The following AGBL4 variants were observed in gnomAD, a reference collection of about 807,000 sequenced individuals.
AGBL4 encodes the protein AGBL carboxypeptidase 4, also known as cytosolic carboxypeptidase 6.
AGBL4 carries 58 observed loss-of-function variants against 66.4 expected under a neutral mutation model. The observed-to-expected ratio is 0.87, with a 90% CI of 0.71 to 1.09. AGBL4 has a LOEUF of 1.09. Among genes scored for constraint, AGBL4 ranks in the 50% least tolerant of loss-of-function variants. AGBL4 has a pLI of 0.00. For missense variants in AGBL4, 579 were observed against 631.0 expected, an observed-to-expected ratio of 0.92 and a Z score of 0.88; for synonymous variants, 234 against 222.9, an observed-to-expected ratio of 1.05 and a Z score of -0.44.
intron 4 of AGBL4, among the ~76,000 whole-genome samples, chr1:49,123,237 T>G (rs988690395): frequency 3.3e-5 from 5 of 152,218 alleles, no homozygotes; most frequent in Non-Finnish European, 5.9e-5. Context: ...TTGAGGCTAT[T>G]ATTACCTCTA....
At position 48,642,379 on chromosome 1, in the gene AGBL4, T is replaced by C. The variant is rs144436677; in HGVS notation, c.840-7775A>G. The stretch of plus-strand genomic sequence containing the variant: ...TCTTCCTAGTGGGTAATGAGAGGCT[T>C]TAGAGTGCCTTCTCCCTTCCCGTAC... On this transcript the variant is annotated intron_variant, in intron 8 of 13. Transcript: ENST00000371839. Among the ~76,000 whole-genome samples the C allele has an allele frequency of 9.2e-3, 1,396 of 152,236 alleles. 63 individuals are homozygous for C. The highest frequency in any genetic ancestry group is 0.07 in the Admixed American group (1,071 of 15,278).
intron 5 of AGBL4, among the ~76,000 whole-genome samples, chr1:48,980,758 T>G (rs1193696831): frequency 4.4e-5 from 2 of 45,898 alleles, no homozygotes; most frequent in South Asian, 6.1e-4. Flanking sequence ...TATATATATA[T>G]ATATATATAT....
intron 5 of AGBL4, among the ~76,000 whole-genome samples, chr1:49,037,406 C>T (rs547616687): frequency 3.9e-5 from 6 of 152,074 alleles, no homozygotes; most frequent in Non-Finnish European, 7.4e-5. Flanking sequence ...TTAAGGGTCA[C>T]AATGATCATA....
At chr1:48,898,765 G>C (rs1651788644) in intron 5 of AGBL4, among the ~76,000 whole-genome samples, 1 of 152,096 alleles carries the variant, frequency 6.6e-6, no homozygotes, top group African/African-American at 2.4e-5. Flanking sequence ...GGTTGCTTTG[G>C]CTATTTGGGG....
At chr1:48,782,875 A>G (rs1187110548) in intron 6 of AGBL4, among the ~76,000 whole-genome samples, 2 of 152,336 alleles carry the variant, frequency 1.3e-5, no homozygotes, top group African/African-American at 4.8e-5. Flanking sequence ...ATGGTATCAT[A>G]CAGACTAACT....
intron 8 of AGBL4, among the ~76,000 whole-genome samples, chr1:48,639,571 A>C (rs1645722252): frequency 6.6e-6 from 1 of 152,228 alleles, no homozygotes. Context: ...ATATATTTCC[A>C]ATTAAGTTAA....
rs1427405439 is a variant in AGBL4, at chr1:49,717,765, C to T, written c.158-20328G>A. Among the ~76,000 whole-genome samples the T allele has an allele frequency of 2.6e-5, 4 of 152,106 alleles. No individual in the cohort carries two copies. The East Asian group carries it at 7.7e-4, about 29-fold the overall frequency. On this transcript the variant is annotated intron_variant, in intron 2 of 13. Coordinates refer to ENST00000371839, the MANE Select transcript of AGBL4 (RefSeq NM_032785.4). ...GCACCTGTAGTAGTGTCTGGCCTAACTAGATATTCAATAAATCTCTGTTGA... is the reference window on the plus strand; with the variant it reads ...GCACCTGTAGTAGTGTCTGGCCTAATTAGATATTCAATAAATCTCTGTTGA...
chr1:48,923,237 G>A (rs1654244938), intron 5 of AGBL4, among the ~76,000 whole-genome samples: 1 of 152,122 alleles, frequency 6.6e-6, no homozygotes, highest in Admixed American at 6.6e-5. Flanking sequence ...AGACTTTCCA[G>A]CCCATAGGTG....
chr1:48,954,439 T>C (rs1380883693), intron 5 of AGBL4, among the ~76,000 whole-genome samples: 1 of 152,244 alleles, frequency 6.6e-6, no homozygotes, highest in Non-Finnish European at 1.5e-5. Context: ...GTCTTTATTA[T>C]GTCAGGCACT....
intron 1 of AGBL4, among the ~76,000 whole-genome samples, chr1:49,989,370 A>T (rs1316196071): frequency 6.6e-6 from 1 of 152,208 alleles, no homozygotes; most frequent in African/African-American, 2.4e-5. Flanking sequence ...CCAATGAGGT[A>T]GGGTCTAGAT....
chr1:49,406,434 A>T (rs1386731793), intron 3 of AGBL4, among the ~76,000 whole-genome samples: 1 of 152,200 alleles, frequency 6.6e-6, no homozygotes, highest in Non-Finnish European at 1.5e-5. Flanking sequence ...GGAGACTTTT[A>T]TTCATGAAGA....
chr1:48,756,596 TGGGAAGTA>T (rs955857185), intron 6 of AGBL4, among the ~76,000 whole-genome samples: 1 of 152,102 alleles, frequency 6.6e-6, no homozygotes, highest in Non-Finnish European at 1.5e-5. Flanking sequence ...GCCACAGAGT[TGGGAAGTA>T]GGGAAGTTGG....
At chr1:48,808,412 T>C (rs1045800970) in intron 6 of AGBL4, among the ~76,000 whole-genome samples, 1 of 152,186 alleles carries the variant, frequency 6.6e-6, no homozygotes, top group African/African-American at 2.4e-5. Flanking sequence ...GTTAAGATTC[T>C]TCCCAAGGTC....
At chr1:48,846,915 T>C (rs1372836506) in intron 6 of AGBL4, among the ~76,000 whole-genome samples, 1 of 152,164 alleles carries the variant, frequency 6.6e-6, no homozygotes, top group African/African-American at 2.4e-5. Flanking sequence ...AGAGCATTGA[T>C]TACAGTGTTG....
At chr1:48,998,505 G>A (rs1306595915) in intron 5 of AGBL4, among the ~76,000 whole-genome samples, 2 of 152,184 alleles carry the variant, frequency 1.3e-5, no homozygotes, top group East Asian at 1.9e-4. Flanking sequence ...TACCAGGCAT[G>A]TCACCAACTT....
At chr1:49,440,315 G>T (rs1291872400) in intron 3 of AGBL4, among the ~76,000 whole-genome samples, 1 of 152,128 alleles carries the variant, frequency 6.6e-6, no homozygotes, top group Admixed American at 6.6e-5. Flanking sequence ...TGATCCACCT[G>T]CCTCTGCCTC....
At chr1:48,956,044 A>G (rs1378780259) in intron 5 of AGBL4, among the ~76,000 whole-genome samples, 1 of 152,218 alleles carries the variant, frequency 6.6e-6, no homozygotes, top group African/African-American at 2.4e-5. Flanking sequence ...AGGGAGCAAA[A>G]AAGGCTTGCC....
At chr1:49,447,395 A>G (rs1443804635) in intron 3 of AGBL4, among the ~76,000 whole-genome samples, 1 of 152,108 alleles carries the variant, frequency 6.6e-6, no homozygotes, top group Non-Finnish European at 1.5e-5. Flanking sequence ...GGTACAGCCA[A>G]TGCTGTGTTG....
intron 4 of AGBL4, among the ~76,000 whole-genome samples, chr1:49,067,151 G>T (rs1423190684): frequency 1.3e-5 from 2 of 152,160 alleles, no homozygotes; most frequent in African/African-American, 4.8e-5. Context: ...GGAGGGTCGG[G>T]TGTTAGCAGA....
Sources: allele counts gnomAD v4.1 joint callset (sites outside exome capture counted in the v4.1 genomes callset), GRCh38; gene constraint gnomAD v4.1.1; transcripts MANE v1.5; gene names NCBI Gene and HGNC (gene_info 2026-07-23, HGNC 2026-07-21).